The following KCNQ1OT1 variants were observed in gnomAD, a reference collection of about 807,000 sequenced individuals.
KCNQ1OT1 encodes KCNQ1 antisense RNA 2 (non-protein coding).
chr11:2,634,976 T>C (rs1417511721), exon 1 of KCNQ1OT1: 2 of 152,376 alleles, frequency 1.3e-5, no homozygotes, highest in Non-Finnish European at 1.5e-5. Flanking sequence ...TGCATAAATG[T>C]CTTCTTTTGA....
chr11:2,619,593 C>G (rs1376926179), exon 1 of KCNQ1OT1: 2 of 398,252 alleles, frequency 5.0e-6, no homozygotes, highest in Non-Finnish European at 8.8e-6. Flanking sequence ...ATTTTTGCAT[C>G]GGTATTCTTG....
chr11:2,670,728 T>C lies in KCNQ1OT1; in HGVS notation n.29267A>G, dbSNP rs143314275. ...TGGCCCATGGAGCAGGAGGGAACAG[T>C]CTGCAGATATTATCTGGGCACTGGC... On this transcript the variant is annotated non_coding_transcript_exon_variant, in exon 1 of 1. Coordinates refer to ENST00000597346, the Ensembl canonical transcript of KCNQ1OT1. The surrounding 1 kb of genome is among the most constrained non-coding windows in gnomAD (Gnocchi z 4.9). 3.0e-5 allele frequency: 12 copies of C among 398,404 alleles called. No homozygotes were observed. The highest frequency in any genetic ancestry group is 2.3e-4 in the African/African-American group (11 of 48,662). 24.7% of individuals were successfully genotyped at this position (398,404 alleles called of 1,614,324 possible).
At position 2,617,534 on chromosome 11, in the gene KCNQ1OT1, A is replaced by AT. The variant is rs1849087008; in HGVS notation, n.82460dup. On this transcript the variant is annotated non_coding_transcript_exon_variant, in exon 1 of 1. Coordinates refer to ENST00000597346, the Ensembl canonical transcript of KCNQ1OT1. This position sits in a 1 kb window ranked among gnomAD's most constrained non-coding sequence, Gnocchi z 4.6. Reference sequence around the variant, plus strand: ...TGCCACAATGAATATAGGAGCGCAGATATCTTTATGAGGTGGAGATTTCAT... The same window carrying AT: ...TGCCACAATGAATATAGGAGCGCAGATTATCTTTATGAGGTGGAGATTTCAT... The AT allele has an allele frequency of 2.5e-6, 1 of 398,388 alleles. No individual in the cohort carries two copies. Among genetic ancestry groups the AT allele is most frequent in the South Asian group, 1.3e-4 (1 of 7,864 alleles). 24.7% of individuals were successfully genotyped at this position (398,388 alleles called of 1,614,324 possible).
Position 2,621,804 on chromosome 11 carries a change from A to G in KCNQ1OT1, n.78191T>C, listed in dbSNP as rs1277248766. 4 of 398,168 alleles carry G rather than the reference A, an allele frequency of 1.0e-5. No homozygotes were observed. The highest frequency in any genetic ancestry group is 8.8e-5 in the Admixed American group (2 of 22,710). The allele number at this position is 398,168 out of a possible 1,614,324, so 24.7% of individuals were successfully genotyped here. A position where few individuals can be genotyped will look rare whatever the true frequency, so the allele number is the denominator to read the frequency against. ...TGTTGATTTTATTTTTCAAAAATCA[A>G]TTCTTTGTTTCAAAAATTGAAGTCT... On this transcript the variant is annotated non_coding_transcript_exon_variant, in exon 1 of 1. Coordinates refer to ENST00000597346, the Ensembl canonical transcript of KCNQ1OT1. This position sits in a 1 kb window ranked among gnomAD's most constrained non-coding sequence, Gnocchi z 5.7.
In KCNQ1OT1 at chr11:2,623,768, C is replaced by T; in HGVS notation, n.76227G>A. ...TTTTTATGTGAATATAAGTCTTCAC[C>T]TCCTTTGAGTAAATACCAAGGATGT... On this transcript the variant is annotated non_coding_transcript_exon_variant, in exon 1 of 1. Coordinates refer to ENST00000597346, the Ensembl canonical transcript of KCNQ1OT1. The surrounding 1 kb of genome is among the most constrained non-coding windows in gnomAD (Gnocchi z 5.2). 2.5e-6 allele frequency: 1 copy of T among 398,468 alleles called. No individual in the cohort carries two copies. Among genetic ancestry groups the T allele is most frequent in the Non-Finnish European group, 4.4e-6 (1 of 226,024 alleles). 24.7% of individuals were successfully genotyped at this position (398,468 alleles called of 1,614,324 possible).
chr11:2,620,893 G>A lies in KCNQ1OT1; in HGVS notation n.79102C>T, dbSNP rs191050231. On this transcript the variant is annotated non_coding_transcript_exon_variant, in exon 1 of 1. Transcript: ENST00000597346. This position sits in a 1 kb window ranked among gnomAD's most constrained non-coding sequence, Gnocchi z 4.5. ...TTTAATAATTGCCATTCTGACTGGT[G>A]TGAGATGGCATCCCATTATGGTTTG... is the stretch of plus-strand genomic sequence containing the variant. 1,832 of 396,836 alleles carry A rather than the reference G, an allele frequency of 4.6e-3. 6 individuals carry two copies. The highest frequency in any genetic ancestry group is 0.012 in the South Asian group (94 of 7,798). 24.6% of individuals were successfully genotyped at this position (396,836 alleles called of 1,614,324 possible). A position where few individuals can be genotyped will look rare whatever the true frequency, so the allele number is the denominator to read the frequency against.
chr11:2,652,374 C>T lies in KCNQ1OT1; in HGVS notation n.47621G>A. On this transcript the variant is annotated non_coding_transcript_exon_variant, in exon 1 of 1. Coordinates refer to ENST00000597346, the Ensembl canonical transcript of KCNQ1OT1. The surrounding 1 kb of genome is among the most constrained non-coding windows in gnomAD (Gnocchi z 5.9). ...TGTTGTGATGAAGGTGAAAAGATCG[C>T]TCTTAATTAGATTAAAAACATTTTT... 5.0e-6 allele frequency: 2 copies of T among 398,638 alleles called. No homozygotes were observed. Among genetic ancestry groups the T allele is most frequent in the Non-Finnish European group, 8.8e-6 (2 of 226,062 alleles). 24.7% of individuals were successfully genotyped at this position (398,638 alleles called of 1,614,324 possible).
At chr11:2,662,468 G>A in exon 1 of KCNQ1OT1, 2 of 466,590 alleles carry the variant, frequency 4.3e-6, no homozygotes, top group Middle Eastern at 5.5e-4. Flanking sequence ...CAGATGCCGG[G>A]TGCAGTCTGC....
exon 1 of KCNQ1OT1, chr11:2,637,822 T>C (rs1849500164): frequency 6.6e-6 from 1 of 152,224 alleles, no homozygotes; most frequent in Non-Finnish European, 1.5e-5. Context: ...GGAGTCTGTC[T>C]CTTTGTAGAT....
exon 1 of KCNQ1OT1, chr11:2,643,885 G>A (rs926736915): frequency 4.0e-5 from 16 of 398,398 alleles, no homozygotes; most frequent in African/African-American, 6.2e-5. Flanking sequence ...TGGCTGGCAG[G>A]TTTTTGGTTT....
rs572035337 is a variant in KCNQ1OT1 at position 2,678,463 on chromosome 11, T to C, written n.21532A>G. On this transcript the variant is annotated non_coding_transcript_exon_variant, in exon 1 of 1. Coordinates refer to ENST00000597346, the Ensembl canonical transcript of KCNQ1OT1. The surrounding 1 kb of genome is among the most constrained non-coding windows in gnomAD (Gnocchi z 4.9). ...TCTCTACTAATTTCAACTGCTACCTTTATCATATTTCAAACTCTCATTTAA... is the reference window on the plus strand; with the variant it reads ...TCTCTACTAATTTCAACTGCTACCTCTATCATATTTCAAACTCTCATTTAA... 7.5e-5 allele frequency: 30 copies of C among 398,610 alleles called. 1 individual carries two copies. In the South Asian group the frequency reaches 3.4e-3, roughly 46 times the overall value. The allele number at this position is 398,610 out of a possible 1,614,324, so 24.7% of individuals were successfully genotyped here.
At chr11:2,649,992 A>AT (rs1433019107) in exon 1 of KCNQ1OT1, 1 of 398,122 alleles carries the variant, frequency 2.5e-6, no homozygotes, top group African/African-American at 2.1e-5. Flanking sequence ...TTTTATTGTT[A>AT]TTTTTTAAAT....
Position 2,671,380 on chromosome 11 carries a change from C to T in KCNQ1OT1, n.28615G>A. On this transcript the variant is annotated non_coding_transcript_exon_variant, in exon 1 of 1. Coordinates refer to ENST00000597346, the Ensembl canonical transcript of KCNQ1OT1. This position sits in a 1 kb window ranked among gnomAD's most constrained non-coding sequence, Gnocchi z 4.7. Reference sequence around the variant, plus strand: ...GAATATCCTGAAAAAGGTACAGGAACACCTGGCATGCCTCTCCCAGGGTAC... The same window carrying T: ...GAATATCCTGAAAAAGGTACAGGAATACCTGGCATGCCTCTCCCAGGGTAC... The T allele has an allele frequency of 5.0e-6, 2 of 398,614 alleles. No individual in the cohort carries two copies. The highest frequency in any genetic ancestry group is 8.8e-6 in the Non-Finnish European group (2 of 226,070). 24.7% of individuals were successfully genotyped at this position (398,614 alleles called of 1,614,324 possible). A position where few individuals can be genotyped will look rare whatever the true frequency, so the allele number is the denominator to read the frequency against.
In KCNQ1OT1 at chr11:2,643,437, C is replaced by T. The variant is rs149117906; in HGVS notation, n.56558G>A. ...CTTCGTCTCTTTTTAGTGTTTTTAGCTTAACCTTTGTTTTATCTGATGAAA... is the reference window on the plus strand; with the variant it reads ...CTTCGTCTCTTTTTAGTGTTTTTAGTTTAACCTTTGTTTTATCTGATGAAA... On this transcript the variant is annotated non_coding_transcript_exon_variant, in exon 1 of 1. Coordinates refer to ENST00000597346, the Ensembl canonical transcript of KCNQ1OT1. 8.5e-3 allele frequency: 3,374 copies of T among 398,308 alleles called. 32 individuals are homozygous for T. Among genetic ancestry groups the T allele is most frequent in the Non-Finnish European group, 0.012 (2,686 of 225,906 alleles). The allele number at this position is 398,308 out of a possible 1,614,324, so 24.7% of individuals were successfully genotyped here. A position where few individuals can be genotyped will look rare whatever the true frequency, so the allele number is the denominator to read the frequency against.
exon 1 of KCNQ1OT1, chr11:2,680,607 T>A: frequency 2.5e-6 from 1 of 398,558 alleles, no homozygotes; most frequent in Admixed American, 4.4e-5. Flanking sequence ...AGTAACATCT[T>A]GCAAAACTGT....
rs987409521 is a variant in KCNQ1OT1, at chr11:2,668,147, A to C, written n.31848T>G. On this transcript the variant is annotated non_coding_transcript_exon_variant, in exon 1 of 1. Coordinates refer to ENST00000597346, the Ensembl canonical transcript of KCNQ1OT1. The surrounding 1 kb of genome is among the most constrained non-coding windows in gnomAD (Gnocchi z 4.3). ...GCAGCCTCTCTATGGGGCTGAAGGG[A>C]GAGTGCTCCCTCATGCTCCTTGCTG... is the stretch of plus-strand genomic sequence containing the variant. 1.3e-5 allele frequency: 5 copies of C among 398,490 alleles called. No homozygotes were observed. Among genetic ancestry groups the C allele is most frequent in the African/African-American group, 2.1e-5 (1 of 48,602 alleles). 24.7% of individuals were successfully genotyped at this position (398,490 alleles called of 1,614,324 possible). A position where few individuals can be genotyped will look rare whatever the true frequency, so the allele number is the denominator to read the frequency against.
In KCNQ1OT1 at chr11:2,674,121, T is replaced by C. The variant is rs947725219; in HGVS notation, n.25874A>G. 6.3e-5 allele frequency: 25 copies of C among 398,490 alleles called. No homozygotes were observed. The highest frequency in any genetic ancestry group is 1.1e-4 in the Non-Finnish European group (24 of 226,144). 24.7% of individuals were successfully genotyped at this position (398,490 alleles called of 1,614,324 possible). ...TGGGGAGGGAGGTGTGGAAGCTGGT[T>C]TGCCGGGGCCACCCAGTGTGGGCTC... On this transcript the variant is annotated non_coding_transcript_exon_variant, in exon 1 of 1. Transcript: ENST00000597346. This position sits in a 1 kb window ranked among gnomAD's most constrained non-coding sequence, Gnocchi z 5.9.
At position 2,669,703 on chromosome 11, in the gene KCNQ1OT1, C is replaced by T. The variant is rs994826043; in HGVS notation, n.30292G>A. 5.0e-6 allele frequency: 2 copies of T among 398,514 alleles called. No homozygotes were observed. Among genetic ancestry groups the T allele is most frequent in the African/African-American group, 4.1e-5 (2 of 48,614 alleles). The allele number at this position is 398,514 out of a possible 1,614,324, so 24.7% of individuals were successfully genotyped here. A position where few individuals can be genotyped will look rare whatever the true frequency, so the allele number is the denominator to read the frequency against. On this transcript the variant is annotated non_coding_transcript_exon_variant, in exon 1 of 1. Coordinates refer to ENST00000597346, the Ensembl canonical transcript of KCNQ1OT1. This position sits in a 1 kb window ranked among gnomAD's most constrained non-coding sequence, Gnocchi z 5.6. ...CCTTGAGGAGATGGTGTTAGGCATC[C>T]AGCCACATACCTGACTCGGGGAAAT...
exon 1 of KCNQ1OT1, chr11:2,681,229 G>C: frequency 5.0e-6 from 2 of 398,568 alleles, no homozygotes; most frequent in Admixed American, 4.4e-5. Context: ...TGGGTAGAAG[G>C]AAGCAGGAGA....
Sources: allele counts gnomAD v4.1 joint callset, GRCh38; gene constraint gnomAD v4.1.1; non-coding constraint Gnocchi (gnomAD v3.1); transcripts MANE v1.5; gene names NCBI Gene and HGNC (gene_info 2026-07-23, HGNC 2026-07-21).